The following FRS2 variants were observed in gnomAD, a reference collection of about 807,000 sequenced individuals.
FRS2 encodes the protein fibroblast growth factor receptor substrate 2.
A neutral mutation model predicts 43.9 loss-of-function variants in FRS2; 8 were observed. The observed-to-expected ratio is 0.18, with a 90% confidence interval of 0.11 to 0.33. The LOEUF is 0.33. FRS2 is among the 10% of genes least tolerant of loss of function. The pLI is 1.00. For synonymous variants in FRS2, 219 were observed against 220.3 expected (o/e 0.99, Z 0.05); for missense variants, 534 against 627.6 (o/e 0.85, Z 1.59).
At chr12:69,484,456 C>G (rs1871647032) in intron 1 of FRS2, among the ~76,000 whole-genome samples, 1 of 152,214 alleles carries the variant, frequency 6.6e-6, no homozygotes, top group South Asian at 2.1e-4. Context: ...ACATCCTTCT[C>G]TTTAGCTTAC....
intron 4 of FRS2, 39 bp from the exon 5 acceptor site, chr12:69,568,966 C>A: frequency 2.1e-6 from 2 of 958,772 alleles, no homozygotes; most frequent in Non-Finnish European, 3.2e-6. Context: ...TTTTTGTATC[C>A]TTCATCTAAT....
rs529105351 is a variant in FRS2 at position 69,515,880 on chromosome 12, C to T, written c.-260-14985C>T. ...TTGGTTTATGTATTTTTAGTTTGAC[C>T]GCCCCACCCCCACCCCCACACACTG... On this transcript the variant is annotated intron_variant, in intron 1 of 8. Transcript: ENST00000549921. Among the ~76,000 whole-genome samples, 5 of 148,188 alleles carry T rather than the reference C, an allele frequency of 3.4e-5. No individual in the cohort carries two copies. In the South Asian group the frequency reaches 6.5e-4, roughly 19 times the overall value.
chr12:69,506,209 T>G (rs1398097571), intron 1 of FRS2, among the ~76,000 whole-genome samples: 5 of 152,130 alleles, frequency 3.3e-5, no homozygotes, highest in Admixed American at 2.6e-4. Flanking sequence ...GTTTCAAAAT[T>G]TAGTTTATTG....
intron 1 of FRS2, among the ~76,000 whole-genome samples, chr12:69,522,915 G>C (rs891648483): frequency 3.9e-5 from 6 of 152,152 alleles, no homozygotes; most frequent in African/African-American, 1.4e-4. Flanking sequence ...TTAGTCTTGA[G>C]TTCTATTTTT....
intron 1 of FRS2, among the ~76,000 whole-genome samples, chr12:69,527,275 A>G (rs969535332): frequency 2.0e-5 from 3 of 149,694 alleles, no homozygotes; most frequent in African/African-American, 7.4e-5. Flanking sequence ...AATGTATAGC[A>G]GTGAATCTTT....
intron 1 of FRS2, among the ~76,000 whole-genome samples, chr12:69,478,742 G>A (rs917337890): frequency 6.6e-5 from 10 of 151,458 alleles, no homozygotes; most frequent in African/African-American, 9.7e-5. Context: ...GTGTGTGTGT[G>A]TGTGTGTGTG....
intron 1 of FRS2, among the ~76,000 whole-genome samples, chr12:69,499,131 G>A (rs562371986): frequency 6.6e-6 from 1 of 152,080 alleles, no homozygotes; most frequent in South Asian, 2.1e-4. Context: ...TGGCAGAGTA[G>A]GCAACTCTTA....
chr12:69,552,856 C>T (rs1050544830), intron 3 of FRS2, among the ~76,000 whole-genome samples: 1 of 150,952 alleles, frequency 6.6e-6, no homozygotes, highest in African/African-American at 2.4e-5. Flanking sequence ...CGCACTGTTG[C>T]GCTCCAGCCT....
At chr12:69,507,588 G>A (rs1292281001) in intron 1 of FRS2, among the ~76,000 whole-genome samples, 11 of 152,162 alleles carry the variant, frequency 7.2e-5, no homozygotes, top group East Asian at 1.9e-4. Flanking sequence ...TTAATAGACT[G>A]TGATGTAGTT....
At chr12:69,553,253 A>G (rs1879060211) in intron 3 of FRS2, among the ~76,000 whole-genome samples, 1 of 151,882 alleles carries the variant, frequency 6.6e-6, no homozygotes, top group Non-Finnish European at 1.5e-5. Flanking sequence ...TTGTATTTTT[A>G]GTAGAGACGG....
intron 3 of FRS2, among the ~76,000 whole-genome samples, chr12:69,545,675 G>T (rs777119717): frequency 8.2e-4 from 118 of 143,252 alleles, no homozygotes; most frequent in Non-Finnish European, 1.3e-3. Context: ...AGAATTGCTT[G>T]AACCCAGGAG....
intron 4 of FRS2, among the ~76,000 whole-genome samples, chr12:69,567,222 A>G (rs1880380348): frequency 6.6e-6 from 1 of 152,126 alleles, no homozygotes. Flanking sequence ...AAAGACAAAG[A>G]TGGTGACTTA....
intron 4 of FRS2, among the ~76,000 whole-genome samples, chr12:69,563,484 T>C (rs1342828849): frequency 6.6e-6 from 1 of 152,198 alleles, no homozygotes; most frequent in Non-Finnish European, 1.5e-5. Flanking sequence ...ACTTCTTTCC[T>C]GACTGGATGT....
intron 3 of FRS2, among the ~76,000 whole-genome samples, chr12:69,537,526 G>A (rs988374278): frequency 2.8e-4 from 42 of 152,070 alleles, no homozygotes; most frequent in East Asian, 1.3e-3. Flanking sequence ...TTGACTGCTA[G>A]TATTGCTGTT....
intron 1 of FRS2, among the ~76,000 whole-genome samples, chr12:69,489,046 C>A (rs548593219): frequency 6.6e-6 from 1 of 152,228 alleles, no homozygotes; most frequent in South Asian, 2.1e-4. Context: ...TTCCTCTTTC[C>A]ATTTTATAGA....
At chr12:69,537,787 C>G (rs899677321) in intron 3 of FRS2, 1 of 152,122 alleles carries the variant, frequency 6.6e-6, no homozygotes, top group Non-Finnish European at 1.5e-5. Flanking sequence ...TGAATAATGC[C>G]TCTTATTTTC....
chr12:69,522,158 A>G (rs182148976), intron 1 of FRS2, among the ~76,000 whole-genome samples: 12 of 150,522 alleles, frequency 8.0e-5, no homozygotes, highest in Admixed American at 5.3e-4. Flanking sequence ...TTTTGCATCT[A>G]TGTTTATCAA....
In FRS2 at chr12:69,513,154, T is replaced by TG. The variant is rs201028915; in HGVS notation, c.-260-17711_-260-17710insG. Among the ~76,000 whole-genome samples the TG allele has an allele frequency of 1.4e-3, 214 of 151,252 alleles. 1 individual carries two copies. In the East Asian group the frequency reaches 0.034, roughly 24 times the overall value. ...TCTCTGGCAAAGTTTGGAGTTTGTT[T>TG]TTTTTTTTTGACCTTTTAATACATT... is the stretch of plus-strand genomic sequence containing the variant. On this transcript the variant is annotated intron_variant, in intron 1 of 8. Transcript: ENST00000549921.
rs551088709 is a variant in FRS2 at position 69,530,487 on chromosome 12, C to T, written c.-260-378C>T. On this transcript the variant is annotated intron_variant, in intron 1 of 8. Transcript: ENST00000549921. ...GGCATGGTGGCTTACACCTGTAATC[C>T]TAGCACTTTGGGAGGCTGAGATGGG... 3.9e-5 allele frequency among the ~76,000 whole-genome samples: 6 copies of T among 152,226 alleles called. No individual in the cohort carries two copies. In the South Asian group the frequency reaches 1.2e-3, roughly 32 times the overall value.
Sources: gnomAD v4.1 joint callset for allele counts (sites outside exome capture counted in the v4.1 genomes callset) on GRCh38, gnomAD v4.1.1 for gene constraint, MANE v1.5 for transcripts, NCBI Gene and HGNC (gene_info 2026-07-23, HGNC 2026-07-21) for gene names.